NFATC1: variants seen among roughly 807,000 people sequenced by gnomAD.
NFATC1 encodes nuclear factor of activated T-cells, cytoplasmic 1.
In NFATC1, 22 loss-of-function variants were observed where a neutral mutation model predicts 76.0. That is an observed-to-expected ratio of 0.29 (90% CI 0.21 to 0.41). The LOEUF is 0.41. Among genes scored for constraint, NFATC1 ranks in the 10% least tolerant of loss-of-function variants. NFATC1 has a pLI of 1.00. For synonymous variants in NFATC1, 704 were observed against 613.1 expected (o/e 1.15, Z -2.19); for missense variants, 1,357 against 1,337.7 (o/e 1.01, Z -0.23).
intron 9 of NFATC1, among the ~76,000 whole-genome samples, chr18:79,507,270 G>A (rs561267186): frequency 2.0e-5 from 3 of 152,386 alleles, no homozygotes; most frequent in Admixed American, 2.0e-4. Flanking sequence ...GCCCTTGGCA[G>A]CAGCTCAGTT....
intron 9 of NFATC1, among the ~76,000 whole-genome samples, chr18:79,504,094 A>C (rs570512406): frequency 2.6e-4 from 39 of 152,028 alleles, no homozygotes; most frequent in African/African-American, 9.2e-4. Context: ...CTGTATCAGC[A>C]ATAAGGCTGT....
intron 2 of NFATC1, among the ~76,000 whole-genome samples, chr18:79,413,316 G>A (rs888261214): frequency 4.6e-5 from 7 of 152,222 alleles, no homozygotes; most frequent in Admixed American, 2.0e-4. Flanking sequence ...TCCCGCAGAC[G>A]GGTGGCCTTC....
At chr18:79,459,208 A>G (rs1464524410) in intron 6 of NFATC1, among the ~76,000 whole-genome samples, 2 of 152,224 alleles carry the variant, frequency 1.3e-5, no homozygotes, top group African/African-American at 2.4e-5. Flanking sequence ...AGGCTGCTCC[A>G]TGGCAGCTGC....
chr18:79,454,534 G>A (rs1480925440), intron 6 of NFATC1, among the ~76,000 whole-genome samples: 1 of 152,186 alleles, frequency 6.6e-6, no homozygotes, highest in South Asian at 2.1e-4. Flanking sequence ...CTGGGTGCCG[G>A]GTCCCTCTGG....
chr18:79,426,296 C>T (rs78870434), intron 2 of NFATC1, among the ~76,000 whole-genome samples: 24,868 of 148,726 alleles, frequency 0.17, 4,143 homozygotes, highest in African/African-American at 0.43. Context: ...CGCGAGCTTT[C>T]GGCTGAAAAA....
At chr18:79,523,468 G>A (rs115452878) in intron 9 of NFATC1, among the ~76,000 whole-genome samples, 4,951 of 152,346 alleles carry the variant, frequency 0.032, 284 homozygotes, top group African/African-American at 0.11. Context: ...GTGAAGGTAC[G>A]AATACTTGAC....
At chr18:79,409,165 T>G (rs2085554085) in intron 1 of NFATC1, among the ~76,000 whole-genome samples, 1 of 78,904 alleles carries the variant, frequency 1.3e-5, no homozygotes, top group African/African-American at 3.1e-5. Context: ...CATCTATCCA[T>G]CATCATCCAT....
intron 3 of NFATC1, among the ~76,000 whole-genome samples, chr18:79,436,655 A>G (rs1021817436): frequency 3.3e-5 from 5 of 152,314 alleles, no homozygotes; most frequent in African/African-American, 1.2e-4. Context: ...CATTCGGAGC[A>G]TGGACTCTGG....
Position 79,411,265 on chromosome 18 carries a change from C to A in NFATC1, c.990C>A (p.Gly330=), listed in dbSNP as rs376890135. The part of the protein sequence containing the change: ...TTDSSLDLGD[G]VPVKSRKTTL... The stretch of plus-strand genomic sequence containing the variant: ...ACAGCAGCCTGGACCTGGGAGATGG[C>A]GTCCCTGTCAAGTCCCGCAAGACCA... Residue 330 remains glycine (G), a synonymous_variant, in exon 2 of 10, where the codon GGC becomes GGA. Coordinates refer to ENST00000427363, the MANE Select transcript of NFATC1 (RefSeq NM_001278669.2). 1 of 1,603,114 alleles carries A rather than the reference C, an allele frequency of 6.2e-7. No homozygotes were observed. Among genetic ancestry groups the A allele is most frequent in the Non-Finnish European group, 8.5e-7 (1 of 1,179,706 alleles).
chr18:79,419,515 G>GCCC (rs1207461026), intron 2 of NFATC1, among the ~76,000 whole-genome samples: 1 of 146,108 alleles, frequency 6.8e-6, no homozygotes, highest in Non-Finnish European at 1.5e-5. Context: ...CTGCCCGGGA[G>GCCC]CCCCCCTAGG....
rs1242301383 is a variant in NFATC1, at chr18:79,452,958, T to TG, written c.1903+1142_1903+1143insG. 2.0e-5 allele frequency among the ~76,000 whole-genome samples: 3 copies of TG among 152,352 alleles called. No individual in the cohort carries two copies. In the East Asian group the frequency reaches 5.8e-4, roughly 29 times the overall value. ...TTGATTTGTACAGTTTGCCGGAAAC[T>TG]TAAGTGCTTCAATCAAAATCGGCTT... On this transcript the variant is annotated intron_variant, in intron 6 of 9. Transcript: ENST00000427363.
At chr18:79,453,836 C>T (rs2087576204) in intron 6 of NFATC1, among the ~76,000 whole-genome samples, 1 of 152,198 alleles carries the variant, frequency 6.6e-6, no homozygotes, top group African/African-American at 2.4e-5. Context: ...AAGCACATTC[C>T]ATGTTTTCAA....
intron 1 of NFATC1, chr18:79,402,497 C>A: frequency 1.4e-6 from 1 of 691,158 alleles, no homozygotes; most frequent in Non-Finnish European, 1.8e-6. Context: ...CCCTCCGGAG[C>A]TGCGCCCTTC....
chr18:79,483,925 C>T (rs142456823), intron 8 of NFATC1, among the ~76,000 whole-genome samples: 13,150 of 134,878 alleles, frequency 0.097, 833 homozygotes, highest in Admixed American at 0.12. Context: ...TGGGGTGTCA[C>T]TCCAGCGTGA....
At chr18:79,515,012 C>T (rs1357665382) in intron 9 of NFATC1, among the ~76,000 whole-genome samples, 1 of 151,956 alleles carries the variant, frequency 6.6e-6, no homozygotes, top group Non-Finnish European at 1.5e-5. Flanking sequence ...CCACTGCACA[C>T]CAGCCTGGGC....
intron 3 of NFATC1, among the ~76,000 whole-genome samples, chr18:79,443,342 G>A (rs2087059622): frequency 6.6e-6 from 1 of 152,226 alleles, no homozygotes; most frequent in Admixed American, 6.5e-5. Context: ...ACCGCCCTGA[G>A]AGCTAGGAAG....
At chr18:79,413,385 C>G (rs2085765371) in intron 2 of NFATC1, among the ~76,000 whole-genome samples, 2 of 152,220 alleles carry the variant, frequency 1.3e-5, no homozygotes, top group Non-Finnish European at 2.9e-5. Flanking sequence ...AGGGGCTGTT[C>G]TTTTGGAGGC....
At chr18:79,441,737 G>A (rs1016298996) in intron 3 of NFATC1, among the ~76,000 whole-genome samples, 1 of 152,098 alleles carries the variant, frequency 6.6e-6, no homozygotes, top group Non-Finnish European at 1.5e-5. Flanking sequence ...CTCCCTTCGT[G>A]GCCGTGGGCT....
chr18:79,490,668 C>T (rs559969485), intron 9 of NFATC1, among the ~76,000 whole-genome samples: 13 of 152,290 alleles, frequency 8.5e-5, no homozygotes, highest in South Asian at 6.2e-4. Context: ...GAGAATGACA[C>T]GGGCCGAGCC....
Sources: gnomAD v4.1 joint callset for allele counts (sites outside exome capture counted in the v4.1 genomes callset) on GRCh38, gnomAD v4.1.1 for gene constraint, MANE v1.5 for transcripts, NCBI Gene and HGNC (gene_info 2026-07-23, HGNC 2026-07-21) for gene names.